The following CEP350 variants were observed in gnomAD, a reference collection of about 807,000 sequenced individuals.
CEP350 encodes centrosome-associated protein 350.
In CEP350, 126 loss-of-function variants were observed where a neutral mutation model predicts 331.8. The observed-to-expected ratio is 0.38, with a 90% CI of 0.33 to 0.44. The LOEUF is 0.44. CEP350 is among the 20% of genes least tolerant of loss of function. The probability of loss-of-function intolerance (pLI) is 1.00; values close to 1 mark genes in which losing one functional copy is unlikely to be tolerated. For missense variants in CEP350, 3,406 were observed against 3,634.6 expected (o/e 0.94, Z 1.62); for synonymous variants, 1,200 against 1,259.5 (o/e 0.95, Z 1.00).
intron 1 of CEP350, among the ~76,000 whole-genome samples, chr1:179,984,096 G>A (rs1558077937): frequency 6.6e-6 from 1 of 152,130 alleles, no homozygotes; most frequent in Non-Finnish European, 1.5e-5. Flanking sequence ...TTCAGTTTTA[G>A]CACACTTTGC....
intron 14 of CEP350, among the ~76,000 whole-genome samples, chr1:180,029,435 A>G (rs537475884): frequency 1.4e-4 from 22 of 152,352 alleles, no homozygotes; most frequent in Admixed American, 5.9e-4. Context: ...GCTTGCTTCT[A>G]GCCTCGGGAT....
rs71118430 is a variant in CEP350, at chr1:180,055,546, CTTTTTTTTTT to C, written c.5262+1059_5262+1068del. 8.0e-5 allele frequency among the ~76,000 whole-genome samples: 7 copies of C among 87,474 alleles called. No individual in the cohort carries two copies. The South Asian group carries it at 2.2e-3, about 27-fold the overall frequency. 57.4% of individuals were successfully genotyped at this position (87,474 alleles called of 152,430 possible). On this transcript the variant is annotated intron_variant, in intron 25 of 37. Coordinates refer to ENST00000367607, the MANE Select transcript of CEP350 (RefSeq NM_014810.5). ...AATTTGAATAAATTCTGAATTCCAT[CTTTTTTTTTT>C]TTTTTTTTTTTTTTGAGACAGTCTC...
chr1:179,977,060 C>T lies in CEP350; in HGVS notation c.-13-9109C>T, dbSNP rs866370168. ...GCTTGGCTCCTTATAGCTCATGTTC[C>T]GTTGCTTATCCTTTCAATTCCAAAA... On this transcript the variant is annotated intron_variant, in intron 1 of 37. Transcript: ENST00000367607. Among the ~76,000 whole-genome samples, 51 of 152,178 alleles carry T rather than the reference C, an allele frequency of 3.4e-4. 1 individual carries two copies. Among genetic ancestry groups the T allele is most frequent in the Middle Eastern group, 6.8e-3 (2 of 294 alleles).
At chr1:179,956,077 T>G (rs1312152259) in intron 1 of CEP350, among the ~76,000 whole-genome samples, 2 of 152,238 alleles carry the variant, frequency 1.3e-5, no homozygotes, top group African/African-American at 4.8e-5. Context: ...TCTGAAAATT[T>G]CTTCGTTTAA....
chr1:180,032,498 A>G (rs1339679438), intron 15 of CEP350, among the ~76,000 whole-genome samples: 2 of 152,128 alleles, frequency 1.3e-5, no homozygotes, highest in Admixed American at 6.6e-5. Flanking sequence ...AATGAGATCC[A>G]TAGCCAAATA....
Position 180,065,259 on chromosome 1 carries a change from C to CT in CEP350, c.5554_5555insT (p.Arg1852LeufsTer4). ...GCAGAAACTGAAGAAAATGAGAAGC[C>CT]GCATGGATGAAAAGTATTTGTTTTT... On this transcript the variant is annotated frameshift_variant, in exon 27 of 38. Coordinates refer to ENST00000367607, the MANE Select transcript of CEP350 (RefSeq NM_014810.5). LOFTEE classifies it high-confidence loss of function. 1 of 1,607,678 alleles carries CT rather than the reference C, an allele frequency of 6.2e-7. No individual in the cohort carries two copies. The highest frequency in any genetic ancestry group is 8.5e-7 in the Non-Finnish European group (1 of 1,178,232).
Position 180,041,750 on chromosome 1 carries a change from A to T in CEP350, c.4310A>T (p.Gln1437Leu). The change falls in exon 19 of 38, where the codon CAG becomes CTG. Residue 1437 changes from glutamine (Q) to leucine (L), a missense_variant. Physicochemically the swap from Gln to Leu is moderately radical, Grantham distance 113. Coordinates refer to ENST00000367607, the MANE Select transcript of CEP350 (RefSeq NM_014810.5). ...GAAGCAACGTGTAAAATAGCAGCTC[A>T]GCAGTCAGAAACTGCTCGCCTCACC... ...LQEATCKIAA[Q>L]QSETARLTTD... is the part of the protein sequence containing the mutation. The T allele has an allele frequency of 6.2e-7, 1 of 1,612,234 alleles. No individual in the cohort carries two copies.
chr1:180,059,171 A>G (rs543986077), intron 25 of CEP350, among the ~76,000 whole-genome samples: 1 of 152,156 alleles, frequency 6.6e-6, no homozygotes, highest in Non-Finnish European at 1.5e-5. Flanking sequence ...TAGTTCAGAA[A>G]CTCAGGCCTA....
intron 10 of CEP350, among the ~76,000 whole-genome samples, chr1:180,014,986 T>TA (rs983625371): frequency 2.4e-4 from 36 of 151,990 alleles, no homozygotes; most frequent in African/African-American, 8.5e-4. Context: ...TGAAATATGC[T>TA]AAAGAAAATA....
rs753391770 is a variant in CEP350, at chr1:180,014,058, A to G, written c.1605A>G (p.Leu535=). The G allele has an allele frequency of 7.4e-6, 12 of 1,612,288 alleles. No homozygotes were observed. Among genetic ancestry groups the G allele is most frequent in the Admixed American group, 1.7e-5 (1 of 59,664 alleles). ...AAATTCGTGGCATTCTTGATGACCT[A>G]CAGCTGGATTCTACAGCTCACACTG... ...PIEIRGILDD[L]QLDSTAHTAK... Residue 535 remains leucine, a synonymous_variant, in exon 10 of 38, where the codon CTA becomes CTG. Coordinates refer to ENST00000367607, the MANE Select transcript of CEP350 (RefSeq NM_014810.5).
At position 180,041,650 on chromosome 1, in the gene CEP350, T is replaced by C; in HGVS notation, c.4222-12T>C. 1 of 1,602,958 alleles carries C rather than the reference T, an allele frequency of 6.2e-7. No homozygotes were observed. Among genetic ancestry groups the C allele is most frequent in the Non-Finnish European group, 8.5e-7 (1 of 1,175,080 alleles). On this transcript the variant is annotated splice_polypyrimidine_tract_variant and intron_variant, in intron 18 of 37. Transcript: ENST00000367607. ...AAACATAACTTCTTTTTTAAACCCC[T>C]TTTATTTAAAGGTCCATGCAGAATC...
At chr1:179,989,941 C>T (rs896289654) in intron 3 of CEP350, among the ~76,000 whole-genome samples, 2 of 152,172 alleles carry the variant, frequency 1.3e-5, no homozygotes, top group African/African-American at 4.8e-5. Flanking sequence ...GTAATCCCAG[C>T]ACTTTGGGAG....
At chr1:180,063,367 AT>A in intron 26 of CEP350, among the ~76,000 whole-genome samples, 1 of 151,590 alleles carries the variant, frequency 6.6e-6, no homozygotes. Flanking sequence ...AATTTTTTGT[AT>A]TTTTTATAGA....
At chr1:180,029,760 A>T (rs949962440) in intron 14 of CEP350, among the ~76,000 whole-genome samples, 1 of 152,102 alleles carries the variant, frequency 6.6e-6, no homozygotes. Flanking sequence ...CATGATCACT[A>T]TCTATCTCCA....
chr1:180,004,894 GCTTGCTTGCTTGCTTTCTTTCTTT>G lies in CEP350; in HGVS notation c.1133-1556_1133-1533del, dbSNP rs1424793704. Among the ~76,000 whole-genome samples, 9 of 59,988 alleles carry G rather than the reference GCTTGCTTGCTTGCTTTCTTTCTTT, an allele frequency of 1.5e-4. 1 individual carries two copies. The highest frequency in any genetic ancestry group is 2.2e-4 in the African/African-American group (4 of 17,876). The allele number at this position is 59,988 out of a possible 152,430, so 39.4% of individuals were successfully genotyped here. On this transcript the variant is annotated intron_variant, in intron 7 of 37. Coordinates refer to ENST00000367607, the MANE Select transcript of CEP350 (RefSeq NM_014810.5). ...GGCTGGCTTGCTTGCTTGCTTGCTT[GCTTGCTTGCTTGCTTTCTTTCTTT>G]CTTTCTTTCTTTCTTTCTTTCTTTC...
chr1:180,051,220 C>G (rs954942147), intron 22 of CEP350, among the ~76,000 whole-genome samples: 3 of 152,202 alleles, frequency 2.0e-5, no homozygotes, highest in Non-Finnish European at 4.4e-5. Context: ...TCTTTTGATT[C>G]ATGTAGCAAC....
Position 180,106,723 on chromosome 1 carries a change from C to T in CEP350, c.9190-4274C>T, listed in dbSNP as rs1023783173. ...CTAGGATTATAGGGATGCATCACCG[C>T]GACCAGCCTCGTGTATTATTTAATT... On this transcript the variant is annotated intron_variant, in intron 37 of 37. Transcript: ENST00000367607. 1.4e-4 allele frequency among the ~76,000 whole-genome samples: 22 copies of T among 152,048 alleles called. 1 individual carries two copies. The highest frequency in any genetic ancestry group is 3.9e-4 in the Admixed American group (6 of 15,264).
chr1:180,083,752 A>G (rs1417142277), intron 30 of CEP350, among the ~76,000 whole-genome samples: 2 of 152,176 alleles, frequency 1.3e-5, no homozygotes, highest in Non-Finnish European at 2.9e-5. Context: ...CTCAAGATTT[A>G]TTTATAATTT....
chr1:180,001,486 T>A (rs879586770), intron 6 of CEP350, among the ~76,000 whole-genome samples: 8 of 152,166 alleles, frequency 5.3e-5, no homozygotes, highest in Admixed American at 3.9e-4. Context: ...CTCAAACTCT[T>A]GGCCTCAAGT....
Sources: allele counts gnomAD v4.1 joint callset (sites outside exome capture counted in the v4.1 genomes callset), GRCh38; gene constraint gnomAD v4.1.1; transcripts MANE v1.5; gene names NCBI Gene and HGNC (gene_info 2026-07-23, HGNC 2026-07-21).